Variants in DISP1 observed in about 807,000 individuals in gnomAD.
The protein encoded by DISP1 is protein dispatched homolog 1.
Under a neutral mutation model 37.3 loss-of-function variants are expected in DISP1, and 30 were observed. The ratio of observed to expected loss-of-function variants is 0.80; its 90% CI spans 0.60 to 1.09. DISP1 has a LOEUF of 1.09. Among genes scored for constraint, DISP1 ranks in the 50% least tolerant of loss-of-function variants. The probability of loss-of-function intolerance (pLI) is 0.00; values close to 1 mark genes in which losing one functional copy is unlikely to be tolerated. For synonymous variants in DISP1, 634 were observed against 690.2 expected, an observed-to-expected ratio of 0.92 and a Z score of 1.28; for missense variants, 1,598 against 1,879.5, an observed-to-expected ratio of 0.85 and a Z score of 2.77.
rs534859975 is a variant in DISP1, at chr1:222,894,674, G to C, written c.-158-33756G>C. ...GCCATGGCTGGGTGGCTGTAGCTGC[G>C]CCTGGGAGCATGGGGCTCCTGCTTT... On this transcript the variant is annotated intron_variant, in intron 1 of 8. Transcript: ENST00000675850. Among the ~76,000 whole-genome samples the C allele has an allele frequency of 2.6e-5, 4 of 152,248 alleles. No homozygotes were observed. The East Asian group carries it at 7.8e-4, about 30-fold the overall frequency.
At chr1:222,980,587 G>T (rs1677760547) in intron 3 of DISP1, among the ~76,000 whole-genome samples, 1 of 152,166 alleles carries the variant, frequency 6.6e-6, no homozygotes, top group South Asian at 2.1e-4. Context: ...AACACGCACT[G>T]ATCTGACATC....
intron 1 of DISP1, among the ~76,000 whole-genome samples, chr1:222,891,229 G>C (rs555727141): frequency 1.3e-5 from 2 of 152,094 alleles, no homozygotes; most frequent in African/African-American, 4.8e-5. Context: ...GAAGAGTGAA[G>C]TGACAATTCC....
chr1:222,961,425 C>A (rs1473572324), intron 3 of DISP1, among the ~76,000 whole-genome samples: 1 of 152,188 alleles, frequency 6.6e-6, no homozygotes, highest in African/African-American at 2.4e-5. Context: ...AACATCTCTT[C>A]ATGTTAAAAA....
At chr1:222,929,040 G>A (rs1421961881) in intron 2 of DISP1, among the ~76,000 whole-genome samples, 1 of 152,118 alleles carries the variant, frequency 6.6e-6, no homozygotes, top group East Asian at 1.9e-4. Flanking sequence ...AAAATTATTA[G>A]CATCTTCCCT....
intron 1 of DISP1, among the ~76,000 whole-genome samples, chr1:222,855,584 C>T (rs771641783): frequency 6.6e-6 from 1 of 152,090 alleles, no homozygotes; most frequent in Non-Finnish European, 1.5e-5. Flanking sequence ...AGTCAAGGAC[C>T]AATTCTTCAT....
At chr1:222,936,643 A>ATATATATATCTCTCATATATATGAGG (rs1673768960) in intron 2 of DISP1, among the ~76,000 whole-genome samples, 1 of 100,238 alleles carries the variant, frequency 1.0e-5, no homozygotes, top group Non-Finnish European at 1.8e-5. Flanking sequence ...TATATATGAG[A>ATATATATATCTCTCATATATATGAGG]TATATATATC....
At chr1:222,974,017 G>T (rs1677139515) in intron 3 of DISP1, among the ~76,000 whole-genome samples, 1 of 152,088 alleles carries the variant, frequency 6.6e-6, no homozygotes, top group South Asian at 2.1e-4. Flanking sequence ...TGACAACATC[G>T]ATTGTTATGT....
At position 222,936,894 on chromosome 1, in the gene DISP1, T is replaced by TA. The variant is rs1558340385; in HGVS notation, c.-17-5913_-17-5912insA. Among the ~76,000 whole-genome samples the TA allele has an allele frequency of 1.1e-4, 9 of 78,704 alleles. No homozygotes were observed. In the South Asian group the frequency reaches 2.7e-3, roughly 24 times the overall value. 51.6% of individuals were successfully genotyped at this position (78,704 alleles called of 152,430 possible). ...TCATATATATGATATATATAATATA[T>TA]TATTTATATATAATATATTATATAT... On this transcript the variant is annotated intron_variant, in intron 2 of 8. Coordinates refer to ENST00000675850, the MANE Select transcript of DISP1 (RefSeq NM_001377229.1).
At chr1:222,991,840 T>C (rs939912581) in intron 6 of DISP1, among the ~76,000 whole-genome samples, 173 bp from the exon 7 acceptor site, 1 of 152,212 alleles carries the variant, frequency 6.6e-6, no homozygotes, top group African/African-American at 2.4e-5. Flanking sequence ...TTTTCTTTTT[T>C]TTTTTCTTTT....
chr1:222,859,460 G>A (rs1390464733), intron 1 of DISP1, among the ~76,000 whole-genome samples: 5 of 152,236 alleles, frequency 3.3e-5, no homozygotes, highest in African/African-American at 1.2e-4. Context: ...ACAAACCTGC[G>A]CATCCTGTGC....
At chr1:222,945,931 T>G (rs1203950059) in intron 3 of DISP1, 1 of 152,214 alleles carries the variant, frequency 6.6e-6, no homozygotes, top group East Asian at 1.9e-4. Flanking sequence ...AATGTTTACA[T>G]TTTAAAAGTT....
chr1:222,869,092 GA>G (rs1340184186), intron 1 of DISP1, among the ~76,000 whole-genome samples: 3 of 151,990 alleles, frequency 2.0e-5, no homozygotes, highest in South Asian at 2.1e-4. Context: ...TTTAAAAGAG[GA>G]AAAAATAAAC....
chr1:222,891,139 C>G (rs533719522), intron 1 of DISP1, among the ~76,000 whole-genome samples: 14 of 152,110 alleles, frequency 9.2e-5, no homozygotes, highest in African/African-American at 2.7e-4. Flanking sequence ...GAAGAGAGAA[C>G]AGCATGTGTG....
chr1:222,859,921 G>A (rs191484865), intron 1 of DISP1, among the ~76,000 whole-genome samples: 57 of 152,332 alleles, frequency 3.7e-4, no homozygotes, highest in Admixed American at 6.5e-4. Context: ...TAGGTCTTCA[G>A]ATATTTTGAC....
At chr1:222,898,359 T>C (rs768308008) in intron 1 of DISP1, among the ~76,000 whole-genome samples, 7 of 152,168 alleles carry the variant, frequency 4.6e-5, no homozygotes, top group African/African-American at 7.2e-5. Context: ...TTTGTTTTTA[T>C]GTGGCATAGA....
At chr1:222,950,135 C>T (rs1470813167) in intron 3 of DISP1, among the ~76,000 whole-genome samples, 1 of 151,904 alleles carries the variant, frequency 6.6e-6, no homozygotes, top group Non-Finnish European at 1.5e-5. Flanking sequence ...TGGAAGGATC[C>T]CTGTAGGTTA....
At chr1:222,970,631 G>A (rs1408699770) in intron 3 of DISP1, among the ~76,000 whole-genome samples, 1 of 152,084 alleles carries the variant, frequency 6.6e-6, no homozygotes, top group East Asian at 1.9e-4. Context: ...CAGCAGGAAA[G>A]GACCTTAGAA....
intron 3 of DISP1, among the ~76,000 whole-genome samples, chr1:222,969,995 T>C (rs1572655814): frequency 6.6e-6 from 1 of 152,094 alleles, no homozygotes; most frequent in African/African-American, 2.4e-5. Flanking sequence ...TAAAGGAAAA[T>C]TTTTAGAATG....
chr1:223,003,691 A>T lies in DISP1; in HGVS notation c.2294A>T (p.Asp765Val), dbSNP rs746181825. 2 of 1,614,164 alleles carry T rather than the reference A, an allele frequency of 1.2e-6. No homozygotes were observed. Among genetic ancestry groups the T allele is most frequent in the South Asian group, 2.2e-5 (2 of 91,082 alleles). ...TCGTCCCATCCTTTTGAGCGTTATG[A>T]TGCTGAATACAAAAAGCTTTTCATG... The part of the protein sequence containing the change: ...FRSSHPFERY[D>V]AEYKKLFMFE... The change falls in exon 9 of 9, where the codon GAT (aspartate) becomes GTT (valine). Residue 765 changes from aspartate (D) to valine (V), a missense_variant. Coordinates refer to ENST00000675850, the MANE Select transcript of DISP1 (RefSeq NM_001377229.1). This position sits in a 1 kb window ranked among gnomAD's most constrained non-coding sequence, Gnocchi z 4.3.
Sources: allele counts gnomAD v4.1 joint callset (sites outside exome capture counted in the v4.1 genomes callset), GRCh38; gene constraint gnomAD v4.1.1; non-coding constraint Gnocchi (gnomAD v3.1); transcripts MANE v1.5; gene names NCBI Gene and HGNC (gene_info 2026-07-23, HGNC 2026-07-21).